Variants in PCDHA9 observed in about 807,000 individuals in gnomAD.
PCDHA9 encodes the protein protocadherin alpha-9.
Under a neutral mutation model 62.0 loss-of-function variants are expected in PCDHA9, and 62 were observed. The observed-to-expected ratio is 1.00, with a 90% CI of 0.81 to 1.23. The LOEUF is 1.23. Ranked by LOEUF, PCDHA9 falls within the 50% of genes most tolerant of loss-of-function variation. The pLI is 0.00. For synonymous variants in PCDHA9, 557 were observed against 567.6 expected (o/e 0.98, Z 0.27); for missense variants, 1,205 against 1,249.8 (o/e 0.96, Z 0.54).
In PCDHA9 at chr5:140,848,720, G is replaced by A; in HGVS notation, c.225G>A (p.Leu75=). Residue 75 remains leucine, a synonymous_variant, in exon 1 of 4, where the codon CTG becomes CTA. Transcript: ENST00000532602. ...QLDSKGRGDL[L]EVNLQNGILF... Reference sequence around the variant, plus strand: ...ATTCCAAAGGCCGCGGGGACCTTCTGGAGGTAAATCTGCAGAATGGCATTT... The same window carrying A: ...ATTCCAAAGGCCGCGGGGACCTTCTAGAGGTAAATCTGCAGAATGGCATTT... 6.3e-7 allele frequency: 1 copy of A among 1,592,556 alleles called. No homozygotes were observed. The highest frequency in any genetic ancestry group is 8.6e-7 in the Non-Finnish European group (1 of 1,163,346).
At chr5:140,998,273 A>G (rs1448303020) in intron 3 of PCDHA9, among the ~76,000 whole-genome samples, 1 of 152,216 alleles carries the variant, frequency 6.6e-6, no homozygotes, top group East Asian at 1.9e-4. Context: ...ACTGACACCC[A>G]TAGGATTAAA....
chr5:140,966,501 C>A (rs993120522), intron 1 of PCDHA9: 8 of 436,558 alleles, frequency 1.8e-5, no homozygotes, highest in Admixed American at 8.7e-5. Flanking sequence ...GGAGCTGTAG[C>A]GGCAGCAGCA....
At chr5:140,945,838 G>A (rs1415502139) in intron 1 of PCDHA9, among the ~76,000 whole-genome samples, 2 of 151,896 alleles carry the variant, frequency 1.3e-5, no homozygotes, top group African/African-American at 4.8e-5. Context: ...AACTCAAAAT[G>A]GATTAAAGAC....
At chr5:140,876,315 C>G (rs2056279391) in intron 1 of PCDHA9, 1 of 1,613,840 alleles carries the variant, frequency 6.2e-7, no homozygotes, top group African/African-American at 1.3e-5. Flanking sequence ...CCTATGGGAT[C>G]AAAATGATTT....
chr5:140,856,038 A>G (rs2043738417), intron 1 of PCDHA9: 2 of 1,568,894 alleles, frequency 1.3e-6, no homozygotes, highest in Non-Finnish European at 1.7e-6. Context: ...GTAAAACAAG[A>G]GAAGGATAAG....
At chr5:140,872,083 C>G (rs377675529) in intron 1 of PCDHA9, among the ~76,000 whole-genome samples, 1 of 152,284 alleles carries the variant, frequency 6.6e-6, no homozygotes, top group East Asian at 1.9e-4. Context: ...TGCAGTGCCA[C>G]TGCACTTAGT....
chr5:140,965,999 A>T (rs1300275113), intron 1 of PCDHA9, among the ~76,000 whole-genome samples: 1 of 152,140 alleles, frequency 6.6e-6, no homozygotes, highest in Non-Finnish European at 1.5e-5. Context: ...AGTACTTAAG[A>T]GTGTCCAGGG....
chr5:140,857,427 C>G lies in PCDHA9; in HGVS notation c.2394+6538C>G, dbSNP rs781871079. On this transcript the variant is annotated intron_variant, in intron 1 of 3. Coordinates refer to ENST00000532602, the MANE Select transcript of PCDHA9 (RefSeq NM_031857.2). The stretch of plus-strand genomic sequence containing the variant: ...CCTGCGTTCGCGCAGTCCGAGTACA[C>G]GGTGTTCGTGAAGGAGAACAACCCG... 49 of 1,598,334 alleles carry G rather than the reference C, an allele frequency of 3.1e-5. 4 individuals carry two copies. The highest frequency in any genetic ancestry group is 3.9e-5 in the Non-Finnish European group (46 of 1,167,894).
rs201969686 is a variant in PCDHA9, at chr5:140,898,775, T to A, written c.2394+47886T>A. ...GATGGCATTGAATCTGTAAATTACC[T>A]TGGGCAGTATGGCCATTTTCACGAT... On this transcript the variant is annotated intron_variant, in intron 1 of 3. Coordinates refer to ENST00000532602, the MANE Select transcript of PCDHA9 (RefSeq NM_031857.2). 9.9e-4 allele frequency among the ~76,000 whole-genome samples: 151 copies of A among 152,312 alleles called. 1 individual carries two copies. The East Asian group carries it at 0.026, about 26-fold the overall frequency.
chr5:140,964,952 T>C (rs868971882), intron 1 of PCDHA9, among the ~76,000 whole-genome samples: 1 of 152,190 alleles, frequency 6.6e-6, no homozygotes, highest in South Asian at 2.1e-4. Flanking sequence ...TGAGTGTGCT[T>C]GGTTGGTGGA....
intron 1 of PCDHA9, among the ~76,000 whole-genome samples, chr5:140,917,329 GA>G (rs1467900886): frequency 0.012 from 1,654 of 143,658 alleles, 142 homozygotes; most frequent in African/African-American, 0.032. Context: ...TGTGGCGGGG[GA>G]GGGGGGGGAT....
intron 1 of PCDHA9, chr5:140,927,771 G>C: frequency 6.2e-7 from 1 of 1,614,210 alleles, no homozygotes; most frequent in Non-Finnish European, 8.5e-7. Flanking sequence ...GTGGGGAGGT[G>C]CAAGTAGCTG....
intron 1 of PCDHA9, chr5:140,858,416 G>A (rs1301119075): frequency 6.4e-7 from 1 of 1,560,804 alleles, no homozygotes; most frequent in African/African-American, 1.4e-5. Context: ...TCAGTCTATT[G>A]GAGGGGACCA....
rs35184029 is a variant in PCDHA9 at position 140,997,668 on chromosome 5, TTGTGTG to T, written c.2543-11935_2543-11930del. Among the ~76,000 whole-genome samples the T allele has an allele frequency of 3.7e-4, 55 of 148,336 alleles. 1 individual carries two copies. The South Asian group carries it at 5.8e-3, about 16-fold the overall frequency. On this transcript the variant is annotated intron_variant, in intron 3 of 3. Coordinates refer to ENST00000532602, the MANE Select transcript of PCDHA9 (RefSeq NM_031857.2). ...AATGCAATATGTATTATTATACAGC[TTGTGTG>T]TGTGTGTGTGTGTGTGTGTGTGTAT...
chr5:141,007,133 G>A (rs1588151080), intron 3 of PCDHA9, among the ~76,000 whole-genome samples: 1 of 152,128 alleles, frequency 6.6e-6, no homozygotes, highest in South Asian at 2.1e-4. Flanking sequence ...CAGATGAGGA[G>A]ACTGACAAAG....
intron 1 of PCDHA9, among the ~76,000 whole-genome samples, chr5:140,895,848 G>T (rs147299280): frequency 6.6e-6 from 1 of 151,982 alleles, no homozygotes; most frequent in Non-Finnish European, 1.5e-5. Flanking sequence ...TCTCACTCTT[G>T]TACCCCAGGC....
chr5:140,921,777 C>T (rs1434211783), intron 1 of PCDHA9, among the ~76,000 whole-genome samples: 1 of 152,030 alleles, frequency 6.6e-6, no homozygotes, highest in African/African-American at 2.4e-5. Context: ...TCAATACTGA[C>T]TTGGATGTTC....
intron 1 of PCDHA9, among the ~76,000 whole-genome samples, chr5:140,976,072 T>C (rs1193049661): frequency 6.6e-6 from 1 of 152,250 alleles, no homozygotes; most frequent in South Asian, 2.1e-4. Context: ...TGTCTTACTG[T>C]GTCAGATATA....
At chr5:140,870,465 C>T (rs781918898) in intron 1 of PCDHA9, 1 of 1,614,208 alleles carries the variant, frequency 6.2e-7, no homozygotes, top group Non-Finnish European at 8.5e-7. Context: ...CGCCTGCGTT[C>T]GCACAGCCCG....
Sources: gnomAD v4.1 joint callset for allele counts (sites outside exome capture counted in the v4.1 genomes callset) on GRCh38, gnomAD v4.1.1 for gene constraint, MANE v1.5 for transcripts, NCBI Gene and HGNC (gene_info 2026-07-23, HGNC 2026-07-21) for gene names.